Variants in USP24 observed in about 807,000 individuals in gnomAD.
USP24 encodes the protein ubiquitin carboxyl-terminal hydrolase 24.
Under a neutral mutation model 361.6 loss-of-function variants are expected in USP24, and 97 were observed. That is an observed-to-expected ratio of 0.27 (90% confidence interval 0.23 to 0.32). The LOEUF is 0.32. USP24 is among the 10% of genes least tolerant of loss of function. USP24 has a pLI of 1.00. For synonymous variants in USP24, 1,098 were observed against 1,124.6 expected (o/e 0.98, Z 0.47); for missense variants, 2,353 against 3,165.6 (o/e 0.74, Z 6.16).
intron 45 of USP24, 78 bp from the exon 46 acceptor site, chr1:55,098,636 A>C: frequency 9.4e-7 from 1 of 1,066,398 alleles, no homozygotes; most frequent in Non-Finnish European, 1.4e-6. Context: ...AACACATTGC[A>C]ATTTAAGGAC....
chr1:55,198,465 G>A (rs1644476679), intron 1 of USP24, among the ~76,000 whole-genome samples: 1 of 151,750 alleles, frequency 6.6e-6, no homozygotes, highest in African/African-American at 2.4e-5. Flanking sequence ...GTCCCACCAT[G>A]AGCTGTGTGA....
At chr1:55,181,806 T>C (rs1321235673) in intron 1 of USP24, among the ~76,000 whole-genome samples, 3 of 152,150 alleles carry the variant, frequency 2.0e-5, no homozygotes, top group Admixed American at 2.0e-4. Context: ...ATCCAAGTCA[T>C]CAATTGAAGC....
intron 28 of USP24, 36 bp from the exon 29 acceptor site, chr1:55,134,449 C>A: frequency 1.3e-6 from 2 of 1,542,932 alleles, no homozygotes; most frequent in Non-Finnish European, 1.8e-6. Flanking sequence ...TTCAAATTTA[C>A]AAAAGAATGT....
intron 1 of USP24, among the ~76,000 whole-genome samples, chr1:55,213,377 G>C (rs569828184): frequency 6.6e-6 from 1 of 152,284 alleles, no homozygotes; most frequent in African/African-American, 2.4e-5. Context: ...GTCTAAGTGT[G>C]GAAGCCAAAG....
chr1:55,130,077 C>G (rs573044537), intron 31 of USP24, among the ~76,000 whole-genome samples: 1 of 152,338 alleles, frequency 6.6e-6, no homozygotes, highest in South Asian at 2.1e-4. Context: ...ACTGCCCACC[C>G]AAGGTCACGT....
chr1:55,140,982 A>G (rs1312605022), intron 24 of USP24, among the ~76,000 whole-genome samples: 4 of 152,228 alleles, frequency 2.6e-5, no homozygotes, highest in Non-Finnish European at 5.9e-5. Context: ...CTGAAAACTC[A>G]AAAAACAGCA....
intron 63 of USP24, among the ~76,000 whole-genome samples, 198 bp from the exon 64 acceptor site, chr1:55,074,104 G>A (rs1644975013): frequency 7.1e-5 from 2 of 28,272 alleles, no homozygotes; most frequent in African/African-American, 2.3e-4. Context: ...CTTTAAGTAT[G>A]TTTAAAAAAA....
chr1:55,185,696 G>A (rs1037719077), intron 1 of USP24, among the ~76,000 whole-genome samples: 9 of 151,638 alleles, frequency 5.9e-5, no homozygotes, highest in Non-Finnish European at 1.3e-4. Context: ...GAGTAGCTGG[G>A]ACCACAGAAG....
At chr1:55,132,466 T>C (rs189656732) in intron 31 of USP24, 79 bp downstream of exon 31, 3 of 1,459,774 alleles carry the variant, frequency 2.1e-6, no homozygotes, top group East Asian at 2.3e-5. Context: ...TATTTACTTA[T>C]TTCTGACATC....
At chr1:55,198,763 C>T (rs576336037) in intron 1 of USP24, among the ~76,000 whole-genome samples, 4 of 152,164 alleles carry the variant, frequency 2.6e-5, no homozygotes, top group African/African-American at 9.7e-5. Flanking sequence ...AATTCTACTA[C>T]AGGTCAAAAT....
At chr1:55,081,697 A>C (rs1308349243) in intron 58 of USP24, among the ~76,000 whole-genome samples, 2 of 152,166 alleles carry the variant, frequency 1.3e-5, no homozygotes, top group Non-Finnish European at 2.9e-5. Context: ...CTGAGGCTGG[A>C]GATCTGCAGG....
Position 55,159,050 on chromosome 1 carries a change from A to C in USP24, c.1069-14T>G, listed in dbSNP as rs1372862395. 1.2e-5 allele frequency: 17 copies of C among 1,438,770 alleles called. No homozygotes were observed. Among genetic ancestry groups the C allele is most frequent in the Non-Finnish European group, 1.4e-5 (15 of 1,086,862 alleles). 89.1% of individuals were successfully genotyped at this position (1,438,770 alleles called of 1,614,324 possible). A position where few individuals can be genotyped will look rare whatever the true frequency, so the allele number is the denominator to read the frequency against. On this transcript the variant is annotated splice_polypyrimidine_tract_variant and intron_variant, in intron 9 of 67. Transcript: ENST00000294383. ...GCTAACCAATCTCTTTTATTGAATAAAAACAAAAAAACAAAAAAGGAACTG... is the reference window on the plus strand; with the variant it reads ...GCTAACCAATCTCTTTTATTGAATACAAACAAAAAAACAAAAAAGGAACTG...
At chr1:55,101,006 T>C (rs1293479594) in intron 43 of USP24, 42 bp from the exon 44 acceptor site, 3 of 1,591,434 alleles carry the variant, frequency 1.9e-6, no homozygotes, top group Non-Finnish European at 1.7e-6. Flanking sequence ...ATATTTAAAA[T>C]GCTTCACAGG....
Position 55,110,165 on chromosome 1 carries a change from C to T in USP24, c.4570+20G>A, listed in dbSNP as rs1040871730. On this transcript the variant is annotated intron_variant, in intron 39 of 67. Transcript: ENST00000294383. The stretch of plus-strand genomic sequence containing the variant: ...ACTCTTCCCCAGCCCCTCTCCCCTA[C>T]ATATTAGTCATTTACTTACTTGTCA... 5 of 1,540,890 alleles carry T rather than the reference C, an allele frequency of 3.2e-6. No individual in the cohort carries two copies. The East Asian group carries it at 9.7e-5, about 30-fold the overall frequency.
At position 55,172,388 on chromosome 1, in the gene USP24, C is replaced by T. The variant is rs1649540351; in HGVS notation, c.691G>A (p.Val231Met). The change falls in exon 4 of 68, where the codon GTG (valine) becomes ATG (methionine). Residue 231 changes from valine (V) to methionine (M), a missense_variant. This residue lies in a region of USP24 where 386 missense variants were observed against 560.5 expected (regional missense o/e 0.69). Transcript: ENST00000294383. ...QDPIPTGLLGVLTMAFNPDNE... is the reference protein window; with the variant it reads ...QDPIPTGLLGMLTMAFNPDNE... ...TAGAGATACTATACCATTGTAAGCA[C>T]ACCCAGGAGACCAGTGGGAATTGGA... 1.2e-6 allele frequency: 2 copies of T among 1,611,910 alleles called. No homozygotes were observed. Among genetic ancestry groups the T allele is most frequent in the East Asian group, 4.5e-5 (2 of 44,732 alleles).
At chr1:55,130,289 C>T (rs768316529) in intron 31 of USP24, among the ~76,000 whole-genome samples, 11 of 152,194 alleles carry the variant, frequency 7.2e-5, no homozygotes, top group Non-Finnish European at 1.5e-4. Flanking sequence ...ATACAATGCT[C>T]CCTTTTGTCC....
intron 5 of USP24, 29 bp from the exon 6 acceptor site, chr1:55,166,632 T>C (rs987202598): frequency 1.5e-5 from 23 of 1,570,776 alleles, no homozygotes; most frequent in African/African-American, 1.1e-4. Flanking sequence ...AAAATTGAGA[T>C]GGCAATATAA....
At position 55,202,034 on chromosome 1, in the gene USP24, G is replaced by A. The variant is rs186902304; in HGVS notation, c.324+12756C>T. On this transcript the variant is annotated intron_variant, in intron 1 of 67. Coordinates refer to ENST00000294383, the MANE Select transcript of USP24 (RefSeq NM_015306.3). ...TGAGAGAGGAGGGCATGCCAGGCAG[G>A]AGAAAATGCACGTGCACAGGCAAGG... 1.4e-4 allele frequency among the ~76,000 whole-genome samples: 22 copies of A among 152,306 alleles called. No homozygotes were observed. In the East Asian group the frequency reaches 4.2e-3, roughly 29 times the overall value.
intron 41 of USP24, 90 bp downstream of exon 41, chr1:55,106,056 A>G (rs56298306): frequency 5.1e-5 from 50 of 989,026 alleles, no homozygotes; most frequent in Non-Finnish European, 7.3e-5. Context: ...CACAGATGGA[A>G]GACAAACTCC....
Sources: gnomAD v4.1 joint callset for allele counts (sites outside exome capture counted in the v4.1 genomes callset) on GRCh38, gnomAD v4.1.1 for gene constraint, gnomAD v4.1.1 regional missense constraint, MANE v1.5 for transcripts, NCBI Gene and HGNC (gene_info 2026-07-23, HGNC 2026-07-21) for gene names.